Variants in NCAM2 observed in about 807,000 individuals in gnomAD.
NCAM2 encodes N-CAM-2.
A neutral mutation model predicts 98.1 loss-of-function variants in NCAM2; 30 were observed. The ratio of observed to expected loss-of-function variants is 0.31; its 90% CI spans 0.23 to 0.41. The LOEUF (loss-of-function observed/expected upper bound fraction) is 0.41. Among genes scored for constraint, NCAM2 ranks in the 10% least tolerant of loss-of-function variants. NCAM2 has a pLI of 1.00. For synonymous variants in NCAM2, 368 were observed against 342.4 expected (o/e 1.07, Z -0.83); for missense variants, 867 against 1,005.8 (o/e 0.86, Z 1.87).
intron 1 of NCAM2, among the ~76,000 whole-genome samples, chr21:21,191,643 G>A (rs2068827416): frequency 6.6e-6 from 1 of 152,150 alleles, no homozygotes; most frequent in Admixed American, 6.6e-5. Flanking sequence ...AATTTAGATA[G>A]AGCTCTATGA....
intron 1 of NCAM2, among the ~76,000 whole-genome samples, chr21:21,003,307 C>T (rs1049882894): frequency 1.8e-4 from 27 of 152,026 alleles, no homozygotes; most frequent in African/African-American, 5.8e-4. Context: ...GCAATCAAAA[C>T]ATTATAGTTT....
chr21:21,079,162 G>A (rs1178660394), intron 1 of NCAM2, among the ~76,000 whole-genome samples: 4 of 152,102 alleles, frequency 2.6e-5, no homozygotes, highest in Non-Finnish European at 5.9e-5. Context: ...TAACAAACCT[G>A]CATGTTCTGG....
chr21:21,366,512 T>C (rs180849111), intron 8 of NCAM2, among the ~76,000 whole-genome samples: 58 of 152,192 alleles, frequency 3.8e-4, no homozygotes, highest in Non-Finnish European at 4.3e-4. Flanking sequence ...CTGTCATAAT[T>C]CTTCAGTAAA....
intron 1 of NCAM2, among the ~76,000 whole-genome samples, chr21:21,078,359 G>A (rs985247650): frequency 6.6e-6 from 1 of 152,160 alleles, no homozygotes; most frequent in Admixed American, 6.5e-5. Context: ...AGGTGAAGAA[G>A]ATTGTAATAT....
Position 21,004,599 on chromosome 21 carries a change from A to G in NCAM2, c.55+5981A>G, listed in dbSNP as rs543445083. The stretch of plus-strand genomic sequence containing the variant: ...AAAGCCAAATAAGCATGAGGGAGAT[A>G]TATAACTTGTTCAACAAAATATTAT... On this transcript the variant is annotated intron_variant, in intron 1 of 17. Coordinates refer to ENST00000400546, the MANE Select transcript of NCAM2 (RefSeq NM_004540.5). Among the ~76,000 whole-genome samples, 45 of 152,346 alleles carry G rather than the reference A, an allele frequency of 3.0e-4. No homozygotes were observed. In the South Asian group the frequency reaches 9.1e-3, roughly 31 times the overall value.
intron 5 of NCAM2, among the ~76,000 whole-genome samples, chr21:21,307,349 A>G (rs756291709): frequency 3.0e-4 from 45 of 152,214 alleles, no homozygotes; most frequent in Non-Finnish European, 4.3e-4. Context: ...TGTAAAAAAT[A>G]CCCCCTCCAG....
intron 1 of NCAM2, chr21:21,223,541 A>G (rs549539273): frequency 6.6e-6 from 1 of 152,148 alleles, no homozygotes; most frequent in Non-Finnish European, 1.5e-5. Context: ...GCATATTTCC[A>G]TTCAGTAATC....
At chr21:21,472,288 A>G (rs1984537760) in intron 14 of NCAM2, among the ~76,000 whole-genome samples, 1 of 152,136 alleles carries the variant, frequency 6.6e-6, no homozygotes, top group South Asian at 2.1e-4. Context: ...AGTAAGTTGG[A>G]GTCCACGAGG....
intron 6 of NCAM2, among the ~76,000 whole-genome samples, chr21:21,330,478 A>T (rs576043331): frequency 3.3e-5 from 5 of 152,170 alleles, no homozygotes; most frequent in African/African-American, 1.2e-4. Context: ...TAAATTCTAT[A>T]CTTATCAGGA....
intron 9 of NCAM2, among the ~76,000 whole-genome samples, chr21:21,405,840 A>G (rs539709088): frequency 6.6e-6 from 1 of 152,274 alleles, no homozygotes; most frequent in East Asian, 1.9e-4. Context: ...CTAAACTACA[A>G]TCTAGGGAAT....
intron 1 of NCAM2, among the ~76,000 whole-genome samples, chr21:21,232,490 G>C (rs539943654): frequency 6.6e-6 from 1 of 151,372 alleles, no homozygotes; most frequent in Non-Finnish European, 1.5e-5. Flanking sequence ...TGCTTGAGTT[G>C]CCACTTGATG....
intron 15 of NCAM2, among the ~76,000 whole-genome samples, chr21:21,495,930 A>G (rs1331539269): frequency 3.3e-5 from 5 of 151,020 alleles, no homozygotes; most frequent in African/African-American, 1.2e-4. Context: ...ATTACACTGC[A>G]TATTAATTTC....
chr21:21,135,178 G>A (rs952534870), intron 1 of NCAM2, among the ~76,000 whole-genome samples: 2 of 148,582 alleles, frequency 1.3e-5, no homozygotes, highest in Non-Finnish European at 3.0e-5. Context: ...CCAGGGAGGC[G>A]GAGTTTGCAG....
intron 14 of NCAM2, among the ~76,000 whole-genome samples, chr21:21,472,854 G>A (rs567531182): frequency 6.6e-6 from 1 of 151,612 alleles, no homozygotes; most frequent in South Asian, 2.1e-4. Context: ...ATCAGCACAT[G>A]GAACAAAGGC....
intron 1 of NCAM2, among the ~76,000 whole-genome samples, chr21:21,255,540 T>C (rs971935956): frequency 4.6e-5 from 7 of 152,222 alleles, no homozygotes; most frequent in Admixed American, 4.6e-4. Context: ...TGTTTGATTG[T>C]AAAAATCTTT....
At chr21:21,182,128 A>T (rs1457361080) in intron 1 of NCAM2, among the ~76,000 whole-genome samples, 1 of 152,164 alleles carries the variant, frequency 6.6e-6, no homozygotes, top group African/African-American at 2.4e-5. Flanking sequence ...ATAATTTTGA[A>T]CAAATGAATT....
At chr21:21,527,580 A>C (rs1415451323) in intron 16 of NCAM2, among the ~76,000 whole-genome samples, 1 of 152,134 alleles carries the variant, frequency 6.6e-6, no homozygotes, top group Non-Finnish European at 1.5e-5. Flanking sequence ...AACATATACA[A>C]ATAGTAAATA....
chr21:21,264,859 C>T (rs2072078358), intron 1 of NCAM2, among the ~76,000 whole-genome samples: 2 of 137,512 alleles, frequency 1.5e-5, no homozygotes. Context: ...CACGCACACA[C>T]GTGTGTGTGT....
chr21:21,227,113 T>G (rs2070416587), intron 1 of NCAM2, among the ~76,000 whole-genome samples: 1 of 151,946 alleles, frequency 6.6e-6, no homozygotes, highest in Non-Finnish European at 1.5e-5. Context: ...TGCAAACAAA[T>G]ATTCTGTTGA....
Sources: allele counts gnomAD v4.1 joint callset (sites outside exome capture counted in the v4.1 genomes callset), GRCh38; gene constraint gnomAD v4.1.1; transcripts MANE v1.5; gene names NCBI Gene and HGNC (gene_info 2026-07-23, HGNC 2026-07-21).